WASHC5: variants seen among roughly 807,000 people sequenced by gnomAD.
WASHC5 encodes the protein WASH complex subunit 5, also known as WASH complex subunit strumpellin.
Under a neutral mutation model 150.4 loss-of-function variants are expected in WASHC5, and 101 were observed. The ratio of observed to expected loss-of-function variants is 0.67; its 90% CI spans 0.57 to 0.79. The LOEUF is 0.79. Among genes scored for constraint, WASHC5 ranks in the 30% least tolerant of loss-of-function variants. WASHC5 has a pLI of 0.00. For missense variants in WASHC5, 1,195 were observed against 1,396.3 expected (o/e 0.86, Z 2.30); for synonymous variants, 467 against 491.2 (o/e 0.95, Z 0.65).
intron 27 of WASHC5, among the ~76,000 whole-genome samples, chr8:125,031,773 C>T (rs772292943): frequency 6.6e-6 from 1 of 152,152 alleles, no homozygotes; most frequent in Non-Finnish European, 1.5e-5. Context: ...GTTTTATAAG[C>T]ATTGTATCAA....
In WASHC5 at chr8:125,036,252, A is replaced by T. The variant is rs1485253552; in HGVS notation, c.3181+985T>A. ...AAAGAACAGAACATCAACCAAAAAA[A>T]GTTTCTTTCACACCACAATTAGCTG... is the stretch of plus-strand genomic sequence containing the variant. On this transcript the variant is annotated intron_variant, in intron 26 of 28. Transcript: ENST00000318410. 4.6e-5 allele frequency among the ~76,000 whole-genome samples: 7 copies of T among 152,366 alleles called. No individual in the cohort carries two copies. In the South Asian group the frequency reaches 1.2e-3, roughly 27 times the overall value.
At position 125,032,362 on chromosome 8, in the gene WASHC5, C is replaced by A; in HGVS notation, c.3214G>T (p.Asp1072Tyr). 6.2e-7 allele frequency: 1 copy of A among 1,614,164 alleles called. No individual in the cohort carries two copies. Residue 1072 changes from aspartate (D) to tyrosine (Y), a missense_variant, in exon 27 of 29, where the codon GAT becomes TAT. By Grantham distance (160) the Asp-to-Tyr change is radical (BLOSUM62 -3). This residue lies in a region of WASHC5 where 997 missense variants were observed against 1,168.1 expected (regional missense o/e 0.85). Transcript: ENST00000318410. ...AGTCCCAGGACAAGTGGTGGCCAAT[C>A]AACCGGGTCGGTCGGTTTTCGGCAG... ...MVCRKPTDPVDWPPLVLGLLT... is the reference protein window; with the variant it reads ...MVCRKPTDPVYWPPLVLGLLT...
At chr8:125,048,607 C>T (rs184192052) in intron 19 of WASHC5, among the ~76,000 whole-genome samples, 24 of 152,254 alleles carry the variant, frequency 1.6e-4, no homozygotes, top group African/African-American at 5.3e-4. Flanking sequence ...TAAAATGGTG[C>T]CGTTACCGTG....
chr8:125,079,572 T>G (rs1448388373), intron 5 of WASHC5, among the ~76,000 whole-genome samples: 1 of 152,126 alleles, frequency 6.6e-6, no homozygotes, highest in Non-Finnish European at 1.5e-5. Context: ...TCCAAAATCC[T>G]TAGGAGTGGA....
At chr8:125,066,723 C>T (rs1264581298) in intron 10 of WASHC5, among the ~76,000 whole-genome samples, 2 of 152,198 alleles carry the variant, frequency 1.3e-5, no homozygotes, top group East Asian at 3.8e-4. Flanking sequence ...CTACCTTTCT[C>T]TCACTCTCTC....
chr8:125,081,039 C>T (rs990879416), intron 5 of WASHC5, among the ~76,000 whole-genome samples: 1 of 152,032 alleles, frequency 6.6e-6, no homozygotes, highest in Non-Finnish European at 1.5e-5. Flanking sequence ...AATTTAGCCT[C>T]AAGGTAAAGA....
chr8:125,082,369 T>C lies in WASHC5; in HGVS notation c.417+14A>G, dbSNP rs372828781. The C allele has an allele frequency of 5.0e-6, 7 of 1,387,118 alleles. No homozygotes were observed. In the African/African-American group the frequency reaches 1.0e-4, roughly 20 times the overall value. The allele number at this position is 1,387,118 out of a possible 1,614,324, so 85.9% of individuals were successfully genotyped here. A position where few individuals can be genotyped will look rare whatever the true frequency, so the allele number is the denominator to read the frequency against. On this transcript the variant is annotated intron_variant, in intron 4 of 28. Transcript: ENST00000318410. ...TATTCTTGAATTTCATTTTAAATAATCATTATTACTTACTAGAAGTTGTTT... is the reference window on the plus strand; with the variant it reads ...TATTCTTGAATTTCATTTTAAATAACCATTATTACTTACTAGAAGTTGTTT...
chr8:125,057,652 G>A lies in WASHC5; in HGVS notation c.1779C>T (p.Leu593=), dbSNP rs147434450. 119 of 1,610,780 alleles carry A rather than the reference G, an allele frequency of 7.4e-5. No homozygotes were observed. Among genetic ancestry groups the A allele is most frequent in the Non-Finnish European group, 9.5e-5 (112 of 1,177,220 alleles). The change falls in exon 15 of 29, where the codon CTC becomes CTT. Residue 593 remains leucine (L), a synonymous_variant. Transcript: ENST00000318410. ...RATFLKLASA[L]DLPLLRINQA... ...GATTAATACGAAGAAGGGGCAGATC[G>A]AGGGCAGAGGCAAGCTGGAAGAAAA...
Position 125,039,852 on chromosome 8 carries a change from T to C in WASHC5, c.2897A>G (p.Asn966Ser), listed in dbSNP as rs1466814960. The change falls in exon 24 of 29, where the codon AAT becomes AGT. Residue 966 changes from asparagine to serine, a missense_variant. Physicochemically the swap from Asn to Ser is conservative, Grantham distance 46. Coordinates refer to ENST00000318410, the MANE Select transcript of WASHC5 (RefSeq NM_014846.4). ...ILRQQIANELNYSCRFDSKHL... is the reference protein window; with the variant it reads ...ILRQQIANELSYSCRFDSKHL... Reference sequence around the variant, plus strand: ...TTTAGAATCAAACCGACAAGAATAATTTAATTCATTGGCAATCTGTTGTCT... The same window carrying C: ...TTTAGAATCAAACCGACAAGAATAACTTAATTCATTGGCAATCTGTTGTCT... 3.1e-6 allele frequency: 5 copies of C among 1,613,742 alleles called. No homozygotes were observed. The highest frequency in any genetic ancestry group is 4.2e-6 in the Non-Finnish European group (5 of 1,179,824).
rs145206578 is a variant in WASHC5 at position 125,084,378 on chromosome 8, C to T, written c.-124-356G>A. The stretch of plus-strand genomic sequence containing the variant: ...TGATATATTAGCAAATAATTTCAAA[C>T]GCTATAAAGAGAGCTCAGAGACAAA... On this transcript the variant is annotated intron_variant, in intron 1 of 28. Coordinates refer to ENST00000318410, the MANE Select transcript of WASHC5 (RefSeq NM_014846.4). Among the ~76,000 whole-genome samples the T allele has an allele frequency of 2.6e-3, 392 of 152,288 alleles. 2 individuals carry two copies. Among genetic ancestry groups the T allele is most frequent in the African/African-American group, 9.0e-3 (375 of 41,556 alleles).
Position 125,083,198 on chromosome 8 carries a change from C to T in WASHC5, c.247G>A (p.Glu83Lys). ...ATTTCTATGTTGTTTTCACGAAATT[C>T]TTCATCTAAATCCTGTAGCTCTGGC... ...AKPELQDLDE[E>K]FRENNIEIVT... is the part of the protein sequence containing the mutation. Residue 83 changes from glutamate (E) to lysine (K), a missense_variant, in exon 3 of 29, where the codon GAA (glutamate) becomes AAA (lysine). Glu to Lys is a moderately conservative substitution (Grantham distance 56). Coordinates refer to ENST00000318410, the MANE Select transcript of WASHC5 (RefSeq NM_014846.4). 1.2e-6 allele frequency: 2 copies of T among 1,611,058 alleles called. No homozygotes were observed. The highest frequency in any genetic ancestry group is 1.7e-6 in the Non-Finnish European group (2 of 1,177,634).
In WASHC5 at chr8:125,038,867, T is replaced by C. The variant is rs767608029; in HGVS notation, c.3047A>G (p.Tyr1016Cys). 4.1e-5 allele frequency: 66 copies of C among 1,614,132 alleles called. No homozygotes were observed. In the Admixed American group the frequency reaches 1.0e-3, roughly 24 times the overall value. ...GTTGTGAATGCCAGCTGCCTCCAGA[T>C]AGGCTGTGATTTCATATAAAAGTGT... ...DNTLLYEITA[Y>C]LEAAGIHNPL... Residue 1016 changes from tyrosine (Y) to cysteine (C), a missense_variant, in exon 25 of 29, where the codon TAT (tyrosine) becomes TGT (cysteine). This residue lies in a region of WASHC5 where 997 missense variants were observed against 1,168.1 expected (regional missense o/e 0.85). Coordinates refer to ENST00000318410, the MANE Select transcript of WASHC5 (RefSeq NM_014846.4).
At position 125,030,637 on chromosome 8, in the gene WASHC5, T is replaced by TAAAAAAA. The variant is rs71295816; in HGVS notation, c.3335+1597_3335+1603dup. Among the ~76,000 whole-genome samples the TAAAAAAA allele has an allele frequency of 4.4e-4, 23 of 52,800 alleles. 1 individual carries two copies. Among genetic ancestry groups the TAAAAAAA allele is most frequent in the African/African-American group, 1.5e-3 (21 of 13,820 alleles). The allele number at this position is 52,800 out of a possible 152,430, so 34.6% of individuals were successfully genotyped here. A position where few individuals can be genotyped will look rare whatever the true frequency, so the allele number is the denominator to read the frequency against. On this transcript the variant is annotated intron_variant, in intron 27 of 28. Transcript: ENST00000318410. ...TGGGCGACAGAGCGACTCTTTCTCATAAAAAAAAAAAAAAAAAAAAAAAAA... is the reference window on the plus strand; with the variant it reads ...TGGGCGACAGAGCGACTCTTTCTCATAAAAAAAAAAAAAAAAAAAAAAAAAAAAAAAA...
chr8:125,068,810 T>C (rs1209776127), intron 9 of WASHC5, among the ~76,000 whole-genome samples: 1 of 152,228 alleles, frequency 6.6e-6, no homozygotes, highest in Non-Finnish European at 1.5e-5. Flanking sequence ...TAGGCAGTGA[T>C]TGACCCAAGG....
At chr8:125,031,584 C>A (rs1332705437) in intron 27 of WASHC5, among the ~76,000 whole-genome samples, 5 of 152,064 alleles carry the variant, frequency 3.3e-5, no homozygotes, top group African/African-American at 1.2e-4. Flanking sequence ...TCGTTTTTTA[C>A]ATTATAGTGG....
At chr8:125,055,347 C>T (rs767556102) in intron 17 of WASHC5, among the ~76,000 whole-genome samples, 2 of 152,006 alleles carry the variant, frequency 1.3e-5, no homozygotes, top group Admixed American at 6.6e-5. Flanking sequence ...CACTTGAACC[C>T]GGGAGGTGGA....
intron 17 of WASHC5, among the ~76,000 whole-genome samples, chr8:125,050,899 TACA>T (rs752530718): frequency 3.3e-5 from 5 of 152,242 alleles, no homozygotes; most frequent in African/African-American, 9.6e-5. Context: ...ATGGTAATTT[TACA>T]ACAAGACATT....
intron 5 of WASHC5, among the ~76,000 whole-genome samples, chr8:125,080,758 A>G (rs1462217193): frequency 1.3e-5 from 2 of 152,208 alleles, no homozygotes; most frequent in Admixed American, 6.5e-5. Flanking sequence ...TGTTTTCAAG[A>G]CCTTACTTCC....
At chr8:125,058,876 A>T (rs752832526) in intron 14 of WASHC5, among the ~76,000 whole-genome samples, 120 of 152,290 alleles carry the variant, frequency 7.9e-4, no homozygotes, top group Middle Eastern at 3.4e-3. Context: ...AGGCTCAGTA[A>T]TTTTTTGAAT....
Sources: gnomAD v4.1 joint callset for allele counts (sites outside exome capture counted in the v4.1 genomes callset) on GRCh38, gnomAD v4.1.1 for gene constraint, gnomAD v4.1.1 regional missense constraint, MANE v1.5 for transcripts, NCBI Gene and HGNC (gene_info 2026-07-23, HGNC 2026-07-21) for gene names.